Variants in TNIK observed in about 807,000 individuals in gnomAD.
TNIK encodes TRAF2 and NCK interacting kinase.
A neutral mutation model predicts 191.3 loss-of-function variants in TNIK; 49 were observed. That is an observed-to-expected ratio of 0.26 (90% CI 0.20 to 0.32). The LOEUF (loss-of-function observed/expected upper bound fraction) is 0.32. TNIK is among the 10% of genes least tolerant of loss of function. TNIK has a pLI of 1.00. For missense variants in TNIK, 1,155 were observed against 1,702.3 expected (o/e 0.68, Z 5.66); for synonymous variants, 594 against 600.9 (o/e 0.99, Z 0.17).
At chr3:171,404,936 T>C (rs1009128207) in intron 1 of TNIK, among the ~76,000 whole-genome samples, 10 of 152,186 alleles carry the variant, frequency 6.6e-5, no homozygotes, top group Admixed American at 4.6e-4. Flanking sequence ...GATTATAAAT[T>C]TGAAACCCAG....
At chr3:171,204,711 GGTAAATAGAGGA>G (rs1553855238) in intron 4 of TNIK, among the ~76,000 whole-genome samples, 1 of 151,956 alleles carries the variant, frequency 6.6e-6, no homozygotes, top group Non-Finnish European at 1.5e-5. Context: ...TTGAATATTG[GGTAAATAGAGGA>G]GTACAGATTA....
intron 4 of TNIK, among the ~76,000 whole-genome samples, chr3:171,199,679 T>C (rs1739172767): frequency 6.6e-6 from 1 of 152,186 alleles, no homozygotes; most frequent in Admixed American, 6.5e-5. Context: ...TATGTGTCCT[T>C]GGGTATGTTC....
At chr3:171,137,108 C>CTTTTTTT (rs71176593) in intron 15 of TNIK, among the ~76,000 whole-genome samples, 29 of 104,146 alleles carry the variant, frequency 2.8e-4, no homozygotes, top group African/African-American at 8.0e-4. Flanking sequence ...TTTAAAAATC[C>CTTTTTTT]TTTTTTTTTT....
At chr3:171,445,824 T>C (rs1011845974) in intron 1 of TNIK, among the ~76,000 whole-genome samples, 2 of 152,234 alleles carry the variant, frequency 1.3e-5, no homozygotes, top group African/African-American at 4.8e-5. Context: ...TAAACCACAA[T>C]GCGTAGCCAT....
intron 2 of TNIK, among the ~76,000 whole-genome samples, chr3:171,305,390 T>C (rs994902997): frequency 6.6e-6 from 1 of 152,186 alleles, no homozygotes; most frequent in East Asian, 1.9e-4. Flanking sequence ...AAAGAGCTTC[T>C]GCATAGCAAA....
At chr3:171,126,887 A>C (rs1193602242) in intron 16 of TNIK, among the ~76,000 whole-genome samples, 3 of 152,256 alleles carry the variant, frequency 2.0e-5, no homozygotes, top group Non-Finnish European at 4.4e-5. Flanking sequence ...GAAGACAGGC[A>C]GTCTTTCAGC....
At chr3:171,362,675 A>G (rs915225840) in intron 2 of TNIK, among the ~76,000 whole-genome samples, 1 of 152,188 alleles carries the variant, frequency 6.6e-6, no homozygotes, top group Non-Finnish European at 1.5e-5. Flanking sequence ...TTAATGTTTT[A>G]TACTTGAGTT....
At chr3:171,187,371 GTGAC>G (rs1250557588) in intron 7 of TNIK, among the ~76,000 whole-genome samples, 1 of 152,164 alleles carries the variant, frequency 6.6e-6, no homozygotes, top group Non-Finnish European at 1.5e-5. Flanking sequence ...GGTTATTACA[GTGAC>G]TAACTTTGAA....
chr3:171,416,114 G>A lies in TNIK; in HGVS notation c.57+43893C>T, dbSNP rs558238251. Reference sequence around the variant, plus strand: ...TCTCGTTGCCTAAGGCAATTTCATCGCATGCCTCAGAGTAAGCAAAAACTG... The same window carrying A: ...TCTCGTTGCCTAAGGCAATTTCATCACATGCCTCAGAGTAAGCAAAAACTG... On this transcript the variant is annotated intron_variant, in intron 1 of 32. Coordinates refer to ENST00000436636, the MANE Select transcript of TNIK (RefSeq NM_015028.4). Among the ~76,000 whole-genome samples the A allele has an allele frequency of 8.6e-5, 13 of 151,404 alleles. No homozygotes were observed. The East Asian group carries it at 1.7e-3, about 20-fold the overall frequency.
chr3:171,108,116 C>G lies in TNIK; in HGVS notation c.2331G>C (p.Ala777=), dbSNP rs6444960. Residue 777 remains alanine (A), a synonymous_variant, in exon 20 of 33, where the codon GCG becomes GCC. Coordinates refer to ENST00000436636, the MANE Select transcript of TNIK (RefSeq NM_015028.4). The stretch of plus-strand genomic sequence containing the variant: ...CCCTGGATTCTTCTGGTTTCACCTT[C>G]GCAGGCTCATGGGGGAGCACAGGTG... The part of the protein sequence containing the change: ...EGSPVLPHEP[A]KVKPEESRDI... 1,542,670 of 1,578,452 alleles carry G rather than the reference C, an allele frequency of 0.98. 753,934 individuals are homozygous for G. Among genetic ancestry groups the G allele is most frequent in the East Asian group, 1 (43,371 of 43,372 alleles).
At chr3:171,438,733 A>T (rs71308512) in intron 1 of TNIK, among the ~76,000 whole-genome samples, 1 of 152,222 alleles carries the variant, frequency 6.6e-6, no homozygotes, top group African/African-American at 2.4e-5. Flanking sequence ...TATGTTTTTC[A>T]TAAGAAAGTG....
intron 23 of TNIK, among the ~76,000 whole-genome samples, chr3:171,090,771 G>C (rs1046213885): frequency 6.6e-6 from 1 of 152,152 alleles, no homozygotes; most frequent in African/African-American, 2.4e-5. Flanking sequence ...TGGGGCTATA[G>C]GACAGGGATA....
At chr3:171,068,685 T>C (rs1718777856) in intron 30 of TNIK, among the ~76,000 whole-genome samples, 163 bp downstream of exon 30, 1 of 152,242 alleles carries the variant, frequency 6.6e-6, no homozygotes, top group African/African-American at 2.4e-5. Context: ...GTTAAATTTA[T>C]ATATTTTAGT....
chr3:171,425,402 A>G (rs969968831), intron 1 of TNIK, among the ~76,000 whole-genome samples: 1 of 152,240 alleles, frequency 6.6e-6, no homozygotes, highest in Non-Finnish European at 1.5e-5. Context: ...TTTATTTACC[A>G]TGCTATATTT....
intron 4 of TNIK, among the ~76,000 whole-genome samples, chr3:171,198,917 A>T (rs1312865462): frequency 6.6e-6 from 1 of 152,216 alleles, no homozygotes; most frequent in African/African-American, 2.4e-5. Flanking sequence ...CTGTGAATAC[A>T]TCCATTGCTC....
At chr3:171,130,428 C>G (rs1729089741) in intron 15 of TNIK, among the ~76,000 whole-genome samples, 1 of 152,180 alleles carries the variant, frequency 6.6e-6, no homozygotes, top group South Asian at 2.1e-4. Context: ...TTACCACACA[C>G]CAAATGAGAT....
At chr3:171,263,251 T>TA (rs914691063) in intron 2 of TNIK, among the ~76,000 whole-genome samples, 10 of 152,136 alleles carry the variant, frequency 6.6e-5, no homozygotes, top group South Asian at 2.1e-4. Flanking sequence ...ATGCTACTTG[T>TA]AAAAAAAACT....
intron 2 of TNIK, among the ~76,000 whole-genome samples, chr3:171,353,485 C>T (rs571468230): frequency 2.7e-3 from 416 of 152,310 alleles, no homozygotes; most frequent in African/African-American, 9.8e-3. Flanking sequence ...ATATACTATA[C>T]ATACGGGATT....
chr3:171,295,054 G>A (rs1254876981), intron 2 of TNIK, among the ~76,000 whole-genome samples: 5 of 152,048 alleles, frequency 3.3e-5, no homozygotes. Flanking sequence ...CAGACAGTGT[G>A]GGCAGTTTGA....
Sources: allele counts gnomAD v4.1 joint callset (sites outside exome capture counted in the v4.1 genomes callset), GRCh38; gene constraint gnomAD v4.1.1; transcripts MANE v1.5; gene names NCBI Gene and HGNC (gene_info 2026-07-23, HGNC 2026-07-21).